DMD: variants seen among roughly 807,000 people sequenced by gnomAD.
DMD encodes the protein mutant dystrophin.
A neutral mutation model predicts 330.1 loss-of-function variants in DMD; 63 were observed. The ratio of observed to expected loss-of-function variants is 0.19; its 90% CI spans 0.16 to 0.24. The LOEUF (loss-of-function observed/expected upper bound fraction) is 0.24. DMD is among the 10% of genes least tolerant of loss of function. The probability of loss-of-function intolerance (pLI) is 1.00; values close to 1 mark genes in which losing one functional copy is unlikely to be tolerated. For missense variants in DMD, 3,344 were observed against 2,684.1 expected (o/e 1.25, Z -5.43); for synonymous variants, 1,223 against 959.8 (o/e 1.27, Z -5.07).
chrX:31,431,046 C>T (rs1360201509), intron 60 of DMD, among the ~76,000 whole-genome samples: 5 of 109,554 alleles, frequency 4.6e-5, no homozygotes, highest in Non-Finnish European at 7.6e-5. Context: ...GTAATTCACC[C>T]GCCTCGGCCT....
intron 52 of DMD, among the ~76,000 whole-genome samples, chrX:31,724,197 T>C (rs1255121725): frequency 8.9e-6 from 1 of 112,266 alleles, no homozygotes; most frequent in African/African-American, 3.2e-5. Context: ...TCTTCTAAAA[T>C]AAGCAACCAT....
chrX:32,773,708 TC>T (rs2073871390), intron 7 of DMD, among the ~76,000 whole-genome samples: 1 of 110,434 alleles, frequency 9.1e-6, no homozygotes, highest in African/African-American at 3.3e-5. Context: ...AACAATGTCC[TC>T]CAGTTTTATT....
intron 50 of DMD, among the ~76,000 whole-genome samples, chrX:31,814,207 C>T (rs1311980802): frequency 1.8e-5 from 2 of 110,124 alleles, no homozygotes; most frequent in Admixed American, 1.9e-4. Context: ...CTGGGCCGGG[C>T]GCGGTGGCTC....
At chrX:32,789,769 T>A (rs1221662341) in intron 7 of DMD, among the ~76,000 whole-genome samples, 1 of 111,980 alleles carries the variant, frequency 8.9e-6, no homozygotes, top group Non-Finnish European at 1.9e-5. Context: ...AGAACATGAC[T>A]GCCCTACTTA....
intron 63 of DMD, among the ~76,000 whole-genome samples, chrX:31,240,412 GACTT>G (rs1448162859): frequency 3.6e-5 from 4 of 111,631 alleles, no homozygotes; most frequent in Non-Finnish European, 5.7e-5. Context: ...AGTGGTTGGA[GACTT>G]ACTTTTCAAT....
chrX:32,713,020 G>A (rs1241881117), intron 7 of DMD, among the ~76,000 whole-genome samples: 1 of 111,077 alleles, frequency 9.0e-6, no homozygotes, highest in Non-Finnish European at 1.9e-5. Flanking sequence ...CACCCTAATT[G>A]TGTACTAAAT....
intron 60 of DMD, among the ~76,000 whole-genome samples, chrX:31,409,040 G>A (rs753863168): frequency 2.7e-4 from 30 of 111,131 alleles, no homozygotes; most frequent in Non-Finnish European, 5.3e-4. Context: ...GGGGTGTTTG[G>A]TTTTTGGTCC....
At chrX:32,348,213 T>C (rs1569559187) in intron 38 of DMD, among the ~76,000 whole-genome samples, 193 bp downstream of exon 38, 1 of 111,363 alleles carries the variant, frequency 9.0e-6, no homozygotes, top group Non-Finnish European at 1.9e-5. Flanking sequence ...CCGTAAGTGC[T>C]CCTATATTAC....
At chrX:31,749,476 T>A (rs2088250704) in intron 51 of DMD, among the ~76,000 whole-genome samples, 1 of 105,748 alleles carries the variant, frequency 9.5e-6, no homozygotes. Flanking sequence ...CATGAACTCA[T>A]CCTTTTTTAT....
At chrX:32,165,281 T>C (rs1603627483) in intron 44 of DMD, among the ~76,000 whole-genome samples, 1 of 112,464 alleles carries the variant, frequency 8.9e-6, no homozygotes, top group African/African-American at 3.2e-5. Flanking sequence ...AGAGGGGCTC[T>C]ACCCTGCAAA....
chrX:33,331,589 C>T (rs2054178098), intron 1 of DMD, among the ~76,000 whole-genome samples: 1 of 111,351 alleles, frequency 9.0e-6, no homozygotes, highest in Non-Finnish European at 1.9e-5. Flanking sequence ...GTATTCATAA[C>T]CCTGTCTTCA....
intron 51 of DMD, among the ~76,000 whole-genome samples, chrX:31,754,313 A>G (rs776157820): frequency 2.7e-5 from 3 of 111,690 alleles, no homozygotes; most frequent in Non-Finnish European, 5.7e-5. Context: ...ACAACCAGGC[A>G]GCACAAACTC....
At chrX:32,958,968 G>T (rs1008233362) in intron 2 of DMD, among the ~76,000 whole-genome samples, 3 of 109,261 alleles carry the variant, frequency 2.7e-5, no homozygotes, top group Non-Finnish European at 5.7e-5. Flanking sequence ...TTTGGGGGGG[G>T]ATGAGGGGTG....
At chrX:32,808,302 A>G (rs2077102848) in intron 7 of DMD, among the ~76,000 whole-genome samples, 1 of 112,175 alleles carries the variant, frequency 8.9e-6, no homozygotes, top group Admixed American at 9.5e-5. Flanking sequence ...ACAAACTAAC[A>G]TTTTTGTTGT....
At chrX:32,785,961 G>C (rs952223510) in intron 7 of DMD, among the ~76,000 whole-genome samples, 11 of 109,803 alleles carry the variant, frequency 1.0e-4, no homozygotes, top group African/African-American at 3.6e-4. Context: ...CCCACTTCTG[G>C]CTGTCTCTTT....
At chrX:33,282,913 G>A (rs190662069) in intron 1 of DMD, among the ~76,000 whole-genome samples, 61 of 111,960 alleles carry the variant, frequency 5.4e-4, no homozygotes, top group African/African-American at 1.9e-3. Context: ...TCTAGCGCGA[G>A]GCTCTCAAAG....
chrX:32,053,102 T>C (rs2096129952), intron 44 of DMD, among the ~76,000 whole-genome samples: 1 of 111,506 alleles, frequency 9.0e-6, no homozygotes, highest in South Asian at 3.7e-4. Flanking sequence ...ACTTGCACAA[T>C]TGAAAATACA....
At chrX:31,557,224 G>T (rs1662539213) in intron 55 of DMD, among the ~76,000 whole-genome samples, 1 of 111,745 alleles carries the variant, frequency 8.9e-6, no homozygotes, top group Admixed American at 9.5e-5. Context: ...AGAAAGCCAA[G>T]AAGGCCAAGG....
chrX:31,341,891 G>GCGCGCGCA (rs374298104), intron 61 of DMD, among the ~76,000 whole-genome samples: 20 of 98,893 alleles, frequency 2.0e-4, no homozygotes, highest in African/African-American at 7.3e-4. Context: ...GTGCGCGCGC[G>GCGCGCGCA]CACACACACA....
Sources: gnomAD v4.1 joint callset for allele counts (sites outside exome capture counted in the v4.1 genomes callset) on GRCh38, gnomAD v4.1.1 for gene constraint, MANE v1.5 for transcripts, NCBI Gene and HGNC (gene_info 2026-07-23, HGNC 2026-07-21) for gene names.